Variants in APBB2 observed in about 807,000 individuals in gnomAD.
APBB2 encodes the protein amyloid beta precursor protein binding family B member 2, also known as Fe65-like 1.
Under a neutral mutation model 82.5 loss-of-function variants are expected in APBB2, and 38 were observed. The ratio of observed to expected loss-of-function variants is 0.46; its 90% CI spans 0.36 to 0.60. The LOEUF is 0.60. Among genes scored for constraint, APBB2 ranks in the 20% least tolerant of loss-of-function variants. The pLI is 0.00. For missense variants in APBB2, 772 were observed against 972.3 expected (o/e 0.79, Z 2.74); for synonymous variants, 341 against 368.2 (o/e 0.93, Z 0.85).
rs1229134087 is a variant in APBB2, at chr4:40,810,553, G to A, written c.*5539C>T. The A allele has an allele frequency of 7.1e-6, 1 of 140,168 alleles. No homozygotes were observed. Among genetic ancestry groups the A allele is most frequent in the East Asian group, 2.0e-4 (1 of 5,024 alleles). The allele number at this position is 140,168 out of a possible 1,614,324, so 8.7% of individuals were successfully genotyped here. On this transcript the variant is annotated 3_prime_UTR_variant, in exon 18 of 18. Coordinates refer to ENST00000508593, the MANE Select transcript of APBB2 (RefSeq NM_004307.2). ...ATATTGCCCCACTGCACTCCAGCCT[G>A]GGAAGCAGAGTGAGACCTTGCCTCA...
At chr4:41,162,242 C>T (rs529772398) in intron 1 of APBB2, among the ~76,000 whole-genome samples, 183 of 142,066 alleles carry the variant, frequency 1.3e-3, no homozygotes, top group Non-Finnish European at 2.1e-3. Context: ...ACAATCTATA[C>T]ATAGATTGTG....
chr4:41,001,877 CAAA>C (rs548069823), intron 6 of APBB2, among the ~76,000 whole-genome samples: 4 of 117,840 alleles, frequency 3.4e-5, no homozygotes, highest in Admixed American at 9.3e-5. Context: ...GACTCCGCCT[CAAA>C]AAAAAAAAAA....
At chr4:41,052,773 C>CTTT (rs72004025) in intron 4 of APBB2, among the ~76,000 whole-genome samples, 12 of 122,038 alleles carry the variant, frequency 9.8e-5, no homozygotes, top group East Asian at 4.0e-4. Context: ...TTTCTTTCTT[C>CTTT]TTTTTTTTTT....
rs151071866 is a variant in APBB2 at position 40,835,782 on chromosome 4, G to A, written c.1530-5205C>T. ...CTGGGGGCCACTGCGGTGGTCCAGC[G>A]CAGGGGGATGAGCAAAGTGCAGGCT... On this transcript the variant is annotated intron_variant, in intron 12 of 17. Transcript: ENST00000508593. Among the ~76,000 whole-genome samples, 46 of 152,320 alleles carry A rather than the reference G, an allele frequency of 3.0e-4. 1 individual carries two copies. The highest frequency in any genetic ancestry group is 9.9e-4 in the African/African-American group (41 of 41,576).
intron 6 of APBB2, among the ~76,000 whole-genome samples, chr4:40,982,310 GAAAGAAAGAAAGAAAAGAAA>G (rs1798961523): frequency 4.1e-5 from 2 of 49,290 alleles, no homozygotes; most frequent in African/African-American, 7.7e-5. Context: ...AGGAAGGAAA[GAAAGAAAGAAAGAAAAGAAA>G]GAAGGAAGGA....
At chr4:40,837,102 C>G (rs564182070) in intron 12 of APBB2, among the ~76,000 whole-genome samples, 1 of 152,204 alleles carries the variant, frequency 6.6e-6, no homozygotes, top group Admixed American at 6.5e-5. Flanking sequence ...AGTAAACACA[C>G]CTCCACACTC....
chr4:41,057,767 C>A (rs1272044381), intron 4 of APBB2, among the ~76,000 whole-genome samples: 4 of 152,146 alleles, frequency 2.6e-5, no homozygotes. Context: ...CAAAATGAGG[C>A]CCCATAAAAA....
chr4:41,053,282 T>C (rs899097996), intron 4 of APBB2, among the ~76,000 whole-genome samples: 1 of 152,154 alleles, frequency 6.6e-6, no homozygotes, highest in Non-Finnish European at 1.5e-5. Context: ...ACAATTTTCA[T>C]TTCATACCTT....
intron 6 of APBB2, among the ~76,000 whole-genome samples, chr4:40,993,663 C>T (rs999924829): frequency 2.0e-5 from 3 of 152,046 alleles, no homozygotes; most frequent in Admixed American, 6.5e-5. Flanking sequence ...GCTGGGATTA[C>T]AGCATAAGCC....
chr4:41,127,503 A>G lies in APBB2; in HGVS notation c.-261+15484T>C, dbSNP rs1754729781. ...GTGTTAATCTAGACTACCTGCTTCCAACATCAAACTGGGTTCAGCAAATGA... is the reference window on the plus strand; with the variant it reads ...GTGTTAATCTAGACTACCTGCTTCCGACATCAAACTGGGTTCAGCAAATGA... On this transcript the variant is annotated intron_variant, in intron 2 of 17. Transcript: ENST00000508593. This position sits in a 1 kb window ranked among gnomAD's most constrained non-coding sequence, Gnocchi z 4.8. Among the ~76,000 whole-genome samples, 1 of 152,222 alleles carries G rather than the reference A, an allele frequency of 6.6e-6. No homozygotes were observed. Among genetic ancestry groups the G allele is most frequent in the Admixed American group, 6.5e-5 (1 of 15,284 alleles).
At chr4:40,835,677 G>A (rs921341833) in intron 12 of APBB2, among the ~76,000 whole-genome samples, 5 of 152,206 alleles carry the variant, frequency 3.3e-5, no homozygotes, top group Admixed American at 1.3e-4. Context: ...CTTACTCCGA[G>A]CCATCCCAGT....
At chr4:41,083,142 G>T (rs1738286021) in intron 3 of APBB2, among the ~76,000 whole-genome samples, 1 of 151,434 alleles carries the variant, frequency 6.6e-6, no homozygotes, top group Non-Finnish European at 1.5e-5. Context: ...TCCAGCCTGG[G>T]CAACAGAACA....
chr4:40,829,697 G>C (rs558905597), intron 13 of APBB2, among the ~76,000 whole-genome samples: 1 of 152,192 alleles, frequency 6.6e-6, no homozygotes, highest in Non-Finnish European at 1.5e-5. Flanking sequence ...GGCAGAGGGT[G>C]GGGGGATGTC....
At chr4:41,028,241 G>A (rs111617787) in intron 5 of APBB2, among the ~76,000 whole-genome samples, 11 of 152,216 alleles carry the variant, frequency 7.2e-5, no homozygotes, top group African/African-American at 1.9e-4. Context: ...CCTATGGAGC[G>A]CAGAGCGCAC....
In APBB2 at chr4:41,067,703, C is replaced by A. The variant is rs529138861; in HGVS notation, c.-148-2030G>T. ...CCCAGGAAGAATGGTAGAGAGGTAC[C>A]ACGGGATAGAAAGAGATGAATAAAG... On this transcript the variant is annotated intron_variant, in intron 3 of 17. Coordinates refer to ENST00000508593, the MANE Select transcript of APBB2 (RefSeq NM_004307.2). Among the ~76,000 whole-genome samples, 3 of 152,164 alleles carry A rather than the reference C, an allele frequency of 2.0e-5. No homozygotes were observed. The East Asian group carries it at 5.8e-4, about 29-fold the overall frequency.
intron 12 of APBB2, among the ~76,000 whole-genome samples, chr4:40,867,314 T>A (rs1764268952): frequency 6.6e-6 from 1 of 152,242 alleles, no homozygotes; most frequent in African/African-American, 2.4e-5. Flanking sequence ...ATACTATTTG[T>A]TAGCTTTGTA....
At chr4:41,030,465 T>C (rs1716309236) in intron 5 of APBB2, among the ~76,000 whole-genome samples, 4 of 152,170 alleles carry the variant, frequency 2.6e-5, no homozygotes. Context: ...GGCACAGTCA[T>C]CATGCACTAC....
chr4:40,929,484 A>G (rs139418602), intron 10 of APBB2, among the ~76,000 whole-genome samples: 2,234 of 152,172 alleles, frequency 0.015, 56 homozygotes, highest in African/African-American at 0.051. Context: ...TATTTTTAGT[A>G]GAGATGGGGT....
chr4:40,829,707 C>T (rs1266075140), intron 13 of APBB2, among the ~76,000 whole-genome samples: 1 of 151,804 alleles, frequency 6.6e-6, no homozygotes, highest in African/African-American at 2.4e-5. Flanking sequence ...GGGGGGATGT[C>T]TGCAAGGGGG....
Sources: gnomAD v4.1 joint callset for allele counts (sites outside exome capture counted in the v4.1 genomes callset) on GRCh38, gnomAD v4.1.1 for gene constraint, Gnocchi (gnomAD v3.1) non-coding constraint, MANE v1.5 for transcripts, NCBI Gene and HGNC (gene_info 2026-07-23, HGNC 2026-07-21) for gene names.